Variants in NLRP5 observed in about 807,000 individuals in gnomAD.
NLRP5 encodes NACHT, LRR and PYD domains-containing protein 5.
Under a neutral mutation model 113.1 loss-of-function variants are expected in NLRP5, and 93 were observed. The ratio of observed to expected loss-of-function variants is 0.82; its 90% CI spans 0.70 to 0.98. The LOEUF (loss-of-function observed/expected upper bound fraction) is 0.98, where lower values mean the gene tolerates loss of function less well. Among genes scored for constraint, NLRP5 ranks in the 50% least tolerant of loss-of-function variants. The probability of loss-of-function intolerance (pLI) is 0.00; values close to 1 mark genes in which losing one functional copy is unlikely to be tolerated. For missense variants in NLRP5, 1,808 were observed against 1,514.3 expected (o/e 1.19, Z -3.22); for synonymous variants, 751 against 600.7 (o/e 1.25, Z -3.66).
intron 1 of NLRP5, among the ~76,000 whole-genome samples, chr19:56,002,731 T>G (rs1981705531): frequency 6.7e-6 from 1 of 149,706 alleles, no homozygotes; most frequent in Non-Finnish European, 1.5e-5. Flanking sequence ...CTTTTTGTCC[T>G]TGCGATAGTT....
At chr19:56,010,228 G>A (rs1050143483) in intron 3 of NLRP5, among the ~76,000 whole-genome samples, 19 of 152,152 alleles carry the variant, frequency 1.2e-4, no homozygotes, top group Non-Finnish European at 2.8e-4. Context: ...TGTGGTACTG[G>A]CTGTCGTTAG....
chr19:56,017,684 A>G (rs191639585), intron 4 of NLRP5, among the ~76,000 whole-genome samples: 2 of 152,326 alleles, frequency 1.3e-5, no homozygotes, highest in Admixed American at 6.5e-5. Flanking sequence ...TCTATCTTGA[A>G]GAAGGTCTGT....
chr19:56,022,119 C>T (rs749071902), intron 6 of NLRP5, among the ~76,000 whole-genome samples: 12 of 152,188 alleles, frequency 7.9e-5, no homozygotes, highest in Non-Finnish European at 1.6e-4. Flanking sequence ...ACACAAATAT[C>T]GGTGACATTT....
rs1163817112 is a variant in NLRP5, at chr19:56,032,595, A to G, written c.2277-16A>G. ...CTCCATCCCATGAGCCCATGTTTCT[A>G]TCCCCCCTGACATAGGATGCGGGAT... On this transcript the variant is annotated splice_polypyrimidine_tract_variant and intron_variant, in intron 7 of 14. Coordinates refer to ENST00000390649, the MANE Select transcript of NLRP5 (RefSeq NM_153447.4). 2 of 1,604,884 alleles carry G rather than the reference A, an allele frequency of 1.2e-6. No homozygotes were observed. Among genetic ancestry groups the G allele is most frequent in the Non-Finnish European group, 1.7e-6 (2 of 1,173,826 alleles).
In NLRP5 at chr19:56,058,177, G is replaced by A. The variant is rs189641438; in HGVS notation, c.3300-63G>A. 3.0e-4 allele frequency: 358 copies of A among 1,212,584 alleles called. 1 individual carries two copies. The African/African-American group carries it at 4.3e-3, about 15-fold the overall frequency. 75.1% of individuals were successfully genotyped at this position (1,212,584 alleles called of 1,614,324 possible). On this transcript the variant is annotated intron_variant, in intron 13 of 14. Coordinates refer to ENST00000390649, the MANE Select transcript of NLRP5 (RefSeq NM_153447.4). ...AAAAGTATCAAGGTGAAATTCATAC[G>A]GGTTGAATGAAGGGTCCATCATCGA...
At chr19:56,055,281 C>T (rs908812687) in intron 13 of NLRP5, among the ~76,000 whole-genome samples, 4 of 151,884 alleles carry the variant, frequency 2.6e-5, no homozygotes, top group South Asian at 2.1e-4. Context: ...CGTGAGCCAC[C>T]GCGCCTGGCC....
chr19:55,999,734 T>G lies in NLRP5; in HGVS notation c.9T>G (p.Val3=). ...TCCATGGCGATGTTATCATGAAGGT[T>G]GCAGGAGGACTTGAACTTGGAGCTG... The change falls in exon 1 of 15, where the codon GTT becomes GTG. Residue 3 remains valine (V), a synonymous_variant. Coordinates refer to ENST00000390649, the MANE Select transcript of NLRP5 (RefSeq NM_153447.4). 2 of 1,612,710 alleles carry G rather than the reference T, an allele frequency of 1.2e-6. No homozygotes were observed. Among genetic ancestry groups the G allele is most frequent in the Non-Finnish European group, 1.7e-6 (2 of 1,178,780 alleles).
intron 2 of NLRP5, 96 bp from the exon 3 acceptor site, chr19:56,008,692 C>T: frequency 8.5e-6 from 9 of 1,060,528 alleles, no homozygotes; most frequent in Non-Finnish European, 1.1e-5. Flanking sequence ...TGTCTTGGTT[C>T]CCCTCCATAA....
At chr19:56,046,942 C>A (rs1983750483) in intron 11 of NLRP5, among the ~76,000 whole-genome samples, 1 of 152,186 alleles carries the variant, frequency 6.6e-6, no homozygotes, top group Admixed American at 6.5e-5. Flanking sequence ...CTGGTCTGTT[C>A]AGGATATCTA....
chr19:56,055,873 T>C (rs1984132664), intron 13 of NLRP5, among the ~76,000 whole-genome samples: 1 of 152,124 alleles, frequency 6.6e-6, no homozygotes, highest in African/African-American at 2.4e-5. Context: ...ATGCAGTGTC[T>C]CCCTTAGCCT....
intron 14 of NLRP5, among the ~76,000 whole-genome samples, chr19:56,060,667 T>G (rs1984318422): frequency 6.6e-6 from 1 of 152,128 alleles, no homozygotes; most frequent in Admixed American, 6.5e-5. Flanking sequence ...TTAGGACTGT[T>G]GTAAGGAACA....
At chr19:56,024,539 A>G (rs1568489615) in intron 6 of NLRP5, among the ~76,000 whole-genome samples, 1 of 143,592 alleles carries the variant, frequency 7.0e-6, no homozygotes. Flanking sequence ...ACATATGTAT[A>G]TGTATGTATA....
At chr19:56,030,600 G>A (rs141988703) in intron 7 of NLRP5, among the ~76,000 whole-genome samples, 1,899 of 152,082 alleles carry the variant, frequency 0.012, 37 homozygotes, top group African/African-American at 0.042. Flanking sequence ...GGCTGAAAAC[G>A]TGCGCAGCCA....
chr19:56,057,203 C>T (rs996189738), intron 13 of NLRP5, among the ~76,000 whole-genome samples: 5 of 152,154 alleles, frequency 3.3e-5, no homozygotes, highest in African/African-American at 1.2e-4. Context: ...TACCCACCAC[C>T]TAATTTAAAC....
Position 56,010,742 on chromosome 19 carries a change from C to CCAAAAAAAAAAAAAAAAAAAAAAAAAAA in NLRP5, c.508+1889_508+1890insCAAAAAAAAAAAAAAAAAAAAAAAAAAA, listed in dbSNP as rs1555764914. 4.1e-4 allele frequency among the ~76,000 whole-genome samples: 17 copies of CCAAAAAAAAAAAAAAAAAAAAAAAAAAA among 41,282 alleles called. 3 individuals carry two copies. The highest frequency in any genetic ancestry group is 1.8e-3 in the African/African-American group (17 of 9,612). The allele number at this position is 41,282 out of a possible 152,430, so 27.1% of individuals were successfully genotyped here. ...GGGAAACAAGAGCTTAACTCTGTCTCAAAAAAAAAAAAAGTCCCTTGAAAC... is the reference window on the plus strand; with the variant it reads ...GGGAAACAAGAGCTTAACTCTGTCTCCAAAAAAAAAAAAAAAAAAAAAAAAAAAAAAAAAAAAAAAAGTCCCTTGAAAC... On this transcript the variant is annotated intron_variant, in intron 3 of 14. Transcript: ENST00000390649.
In NLRP5 at chr19:56,020,521, G is replaced by A. The variant is rs1982574193; in HGVS notation, c.679+90G>A. The A allele has an allele frequency of 1.2e-5, 17 of 1,399,914 alleles. No individual in the cohort carries two copies. In the South Asian group the frequency reaches 2.0e-4, roughly 16 times the overall value. The allele number at this position is 1,399,914 out of a possible 1,614,324, so 86.7% of individuals were successfully genotyped here. Reference sequence around the variant, plus strand: ...GTAGTTTAGATTTCAAGGGTATGTAGTTTAGATTGCCTTTCTTCAATCTCA... The same window carrying A: ...GTAGTTTAGATTTCAAGGGTATGTAATTTAGATTGCCTTTCTTCAATCTCA... On this transcript the variant is annotated intron_variant, in intron 6 of 14. Transcript: ENST00000390649.
intron 3 of NLRP5, 86 bp downstream of exon 3, chr19:56,008,939 TTCTGATAG>T (rs1670362460): frequency 8.7e-7 from 1 of 1,149,178 alleles, no homozygotes; most frequent in East Asian, 2.5e-5. Context: ...GAACCATGAC[TTCTGATAG>T]TCTAGTGTTC....
the NLRP5 span, chr19:55,988,009 CT>C: frequency 1.1e-6 from 1 of 932,046 alleles, no homozygotes; most frequent in Non-Finnish European, 1.7e-6. Flanking sequence ...CATTAACGTA[CT>C]TTCCCCTGAA....
At chr19:56,005,727 C>A (rs1470279034) in intron 2 of NLRP5, among the ~76,000 whole-genome samples, 2 of 152,202 alleles carry the variant, frequency 1.3e-5, no homozygotes, top group African/African-American at 4.8e-5. Context: ...GGCTCTCTCT[C>A]CTGAGCTTGG....
Sources: allele counts gnomAD v4.1 joint callset (sites outside exome capture counted in the v4.1 genomes callset), GRCh38; gene constraint gnomAD v4.1.1; transcripts MANE v1.5; gene names NCBI Gene and HGNC (gene_info 2026-07-23, HGNC 2026-07-21).